The following TOX2 variants were observed in gnomAD, a reference collection of about 807,000 sequenced individuals.
The protein encoded by TOX2 is TOX high mobility group box family member 2.
TOX2 carries 15 observed loss-of-function variants against 47.4 expected under a neutral mutation model. The observed-to-expected ratio is 0.32, with a 90% CI of 0.21 to 0.49. The LOEUF is 0.49. TOX2 is among the 20% of genes least tolerant of loss of function. The pLI is 0.99. For missense variants in TOX2, 622 were observed against 673.1 expected (o/e 0.92, Z 0.84); for synonymous variants, 290 against 296.6 (o/e 0.98, Z 0.23).
At chr20:43,943,648 CAAA>C (rs374650546) in intron 1 of TOX2, among the ~76,000 whole-genome samples, 1 of 150,712 alleles carries the variant, frequency 6.6e-6, no homozygotes, top group South Asian at 2.1e-4. Context: ...GAGGGAACAA[CAAA>C]AAAAAAGTTT....
intron 3 of TOX2, among the ~76,000 whole-genome samples, chr20:44,024,177 T>C (rs1366261873): frequency 6.6e-6 from 1 of 152,230 alleles, no homozygotes; most frequent in Non-Finnish European, 1.5e-5. Context: ...CATGGAGTTG[T>C]ATATAGTATT....
intron 3 of TOX2, among the ~76,000 whole-genome samples, chr20:44,030,602 G>A (rs1443414688): frequency 1.3e-5 from 2 of 152,132 alleles, no homozygotes; most frequent in African/African-American, 4.8e-5. Flanking sequence ...CTTGACCGCT[G>A]ATCTTACAGC....
chr20:44,015,671 G>T (rs2070867041), intron 3 of TOX2, among the ~76,000 whole-genome samples: 2 of 152,182 alleles, frequency 1.3e-5, no homozygotes, highest in South Asian at 2.1e-4. Context: ...GGAACATTAT[G>T]ATGTACGAGT....
chr20:44,001,876 T>C lies in TOX2; in HGVS notation c.166-4671T>C, dbSNP rs1600725081. 2.0e-5 allele frequency among the ~76,000 whole-genome samples: 3 copies of C among 152,276 alleles called. No homozygotes were observed. In the South Asian group the frequency reaches 6.2e-4, roughly 32 times the overall value. On this transcript the variant is annotated intron_variant, in intron 2 of 8. Transcript: ENST00000341197. ...CCATTTATTGTGTTGTAATGAGTCA[T>C]TACTGTGCACTGTGCTAGGCACTGA...
In TOX2 at chr20:43,929,771, G is replaced by C. The variant is rs575627821; in HGVS notation, c.99+14781G>C. Among the ~76,000 whole-genome samples, 5 of 152,184 alleles carry C rather than the reference G, an allele frequency of 3.3e-5. No individual in the cohort carries two copies. In the East Asian group the frequency reaches 9.6e-4, roughly 29 times the overall value. On this transcript the variant is annotated intron_variant, in intron 1 of 8. Coordinates refer to ENST00000341197, the MANE Select transcript of TOX2 (RefSeq NM_001098797.2). ...GTTGCCCAGGTTGGAGTGCAGTGGT[G>C]CGATCTCAGCTCACTGCAACCTTCA...
chr20:43,987,300 T>C (rs2070283939), intron 2 of TOX2, among the ~76,000 whole-genome samples: 1 of 152,186 alleles, frequency 6.6e-6, no homozygotes, highest in African/African-American at 2.4e-5. Context: ...GCCATTTACA[T>C]ACAGCACATG....
Position 43,991,247 on chromosome 20 carries a change from G to C in TOX2, c.166-15300G>C, listed in dbSNP as rs567391273. 5.9e-5 allele frequency among the ~76,000 whole-genome samples: 9 copies of C among 151,448 alleles called. No individual in the cohort carries two copies. In the South Asian group the frequency reaches 1.9e-3, roughly 32 times the overall value. On this transcript the variant is annotated intron_variant, in intron 2 of 8. Coordinates refer to ENST00000341197, the MANE Select transcript of TOX2 (RefSeq NM_001098797.2). ...AGACCCCGATGGGCCAAGTTAGAAT[G>C]ATTTCATGCTGAACAGCGTCACTGA...
At chr20:43,992,555 G>C (rs1295375246) in intron 2 of TOX2, among the ~76,000 whole-genome samples, 1 of 152,206 alleles carries the variant, frequency 6.6e-6, no homozygotes. Flanking sequence ...ATAGCCTTCA[G>C]ATCGAGCCAG....
At chr20:44,055,537 A>G (rs542101606) in intron 5 of TOX2, among the ~76,000 whole-genome samples, 43 of 152,326 alleles carry the variant, frequency 2.8e-4, no homozygotes, top group Non-Finnish European at 5.6e-4. Flanking sequence ...GGAGCTGGAA[A>G]GGAGGGCAGG....
At chr20:43,934,612 G>A (rs1178238612) in intron 1 of TOX2, among the ~76,000 whole-genome samples, 1 of 152,090 alleles carries the variant, frequency 6.6e-6, no homozygotes, top group East Asian at 1.9e-4. Flanking sequence ...AGAGGGGGCT[G>A]GGAGGACACT....
Position 43,915,181 on chromosome 20 carries a change from C to G in TOX2, c.99+191C>G, listed in dbSNP as rs368931758. Among the ~76,000 whole-genome samples, 178 of 152,216 alleles carry G rather than the reference C, an allele frequency of 1.2e-3. 1 individual carries two copies. Among genetic ancestry groups the G allele is most frequent in the African/African-American group, 4.2e-3 (174 of 41,564 alleles). ...TTGGGATCGCGGGCAGAAGTCATCC[C>G]GACAGCCACCCGTGCGACGACACAG... is the stretch of plus-strand genomic sequence containing the variant. On this transcript the variant is annotated intron_variant, in intron 1 of 8. Coordinates refer to ENST00000341197, the MANE Select transcript of TOX2 (RefSeq NM_001098797.2). The surrounding 1 kb of genome is among the most constrained non-coding windows in gnomAD (Gnocchi z 7.1).
chr20:43,928,981 GAAAA>G (rs575418660), intron 1 of TOX2, among the ~76,000 whole-genome samples: 3 of 86,118 alleles, frequency 3.5e-5, no homozygotes, highest in African/African-American at 1.5e-4. Flanking sequence ...CTAAAAATAT[GAAAA>G]AAAAAAAAAA....
intron 1 of TOX2, among the ~76,000 whole-genome samples, chr20:43,945,175 AAGC>A (rs1239200299): frequency 1.3e-5 from 2 of 152,200 alleles, no homozygotes; most frequent in Non-Finnish European, 2.9e-5. Flanking sequence ...AGAAAGAAAA[AAGC>A]AGCCACTGAA....
intron 1 of TOX2, among the ~76,000 whole-genome samples, chr20:43,939,622 A>G (rs1450102326): frequency 6.6e-6 from 1 of 152,214 alleles, no homozygotes; most frequent in Non-Finnish European, 1.5e-5. Flanking sequence ...TTGGAAGATA[A>G]GCGAGGGTTC....
At chr20:43,995,132 C>T (rs953689177) in intron 2 of TOX2, among the ~76,000 whole-genome samples, 1 of 151,878 alleles carries the variant, frequency 6.6e-6, no homozygotes, top group Non-Finnish European at 1.5e-5. Context: ...TTTTAAGAAG[C>T]ATTTTTAGTC....
intron 2 of TOX2, among the ~76,000 whole-genome samples, chr20:43,994,849 G>A (rs2145563615): frequency 6.6e-6 from 1 of 152,242 alleles, no homozygotes; most frequent in East Asian, 1.9e-4. Context: ...CCACTATGAT[G>A]CCTCTGTCTG....
At chr20:44,058,259 C>T (rs533882404) in intron 5 of TOX2, among the ~76,000 whole-genome samples, 2 of 152,328 alleles carry the variant, frequency 1.3e-5, no homozygotes, top group Admixed American at 6.5e-5. Flanking sequence ...GAAATAAACT[C>T]GGTGCTGTTG....
At chr20:43,986,618 G>A (rs963686315) in intron 2 of TOX2, among the ~76,000 whole-genome samples, 4 of 152,036 alleles carry the variant, frequency 2.6e-5, no homozygotes, top group East Asian at 1.9e-4. Flanking sequence ...CCACCGAAAC[G>A]GAGAATATGT....
At chr20:44,011,638 G>A (rs969884061) in intron 3 of TOX2, among the ~76,000 whole-genome samples, 1 of 152,218 alleles carries the variant, frequency 6.6e-6, no homozygotes, top group Non-Finnish European at 1.5e-5. Context: ...GGGATGGTGC[G>A]GCTGGGCTGC....
Sources: allele counts gnomAD v4.1 joint callset (sites outside exome capture counted in the v4.1 genomes callset), GRCh38; gene constraint gnomAD v4.1.1; non-coding constraint Gnocchi (gnomAD v3.1); transcripts MANE v1.5; gene names NCBI Gene and HGNC (gene_info 2026-07-23, HGNC 2026-07-21).